The following IL1RAPL2 variants were observed in gnomAD, a reference collection of about 807,000 sequenced individuals.
The protein encoded by IL1RAPL2 is X-linked interleukin-1 receptor accessory protein-like 2.
Under a neutral mutation model 44.1 loss-of-function variants are expected in IL1RAPL2, and 3 were observed. That is an observed-to-expected ratio of 0.07 (90% CI 0.03 to 0.18). IL1RAPL2 has a LOEUF of 0.18. Among genes scored for constraint, IL1RAPL2 ranks in the 10% least tolerant of loss-of-function variants. The pLI is 1.00. For synonymous variants in IL1RAPL2, 181 were observed against 178.8 expected (o/e 1.01, Z -0.10); for missense variants, 391 against 496.4 (o/e 0.79, Z 2.02).
At chrX:105,091,806 C>A (rs758558586) in intron 2 of IL1RAPL2, among the ~76,000 whole-genome samples, 4 of 111,883 alleles carry the variant, frequency 3.6e-5, no homozygotes, top group African/African-American at 1.3e-4. Context: ...CCAACACTTA[C>A]AATGCCTCAC....
intron 2 of IL1RAPL2, among the ~76,000 whole-genome samples, chrX:105,015,824 A>G (rs2031162901): frequency 9.0e-6 from 1 of 111,674 alleles, no homozygotes; most frequent in Admixed American, 9.5e-5. Flanking sequence ...ATGAAATTTA[A>G]AGCAGTTTTT....
At chrX:104,698,386 G>A (rs1931215441) in intron 2 of IL1RAPL2, among the ~76,000 whole-genome samples, 1 of 111,934 alleles carries the variant, frequency 8.9e-6, no homozygotes, top group Non-Finnish European at 1.9e-5. Context: ...GAAACATTGA[G>A]AGCCATTTTA....
At chrX:104,968,979 C>CTGTGTGTGTGTG (rs35842489) in intron 2 of IL1RAPL2, among the ~76,000 whole-genome samples, 1,831 of 82,008 alleles carry the variant, frequency 0.022, 55 homozygotes, top group African/African-American at 0.067. Context: ...TTGCCTTTTG[C>CTGTGTGTGTGTG]TGTGTGTGTG....
In IL1RAPL2 at chrX:104,914,570, TTTA is replaced by T. The variant is rs754942493; in HGVS notation, c.82+255586_82+255588del. Among the ~76,000 whole-genome samples the T allele has an allele frequency of 9.7e-4, 108 of 111,727 alleles. No individual in the cohort carries two copies. The South Asian group carries it at 0.014, about 15-fold the overall frequency. ...ACACATGTTGTGATTGCTTTCTTTT[TTTA>T]TTATTATTATATTTTAAGTTTTAGG... On this transcript the variant is annotated intron_variant, in intron 2 of 10. Coordinates refer to ENST00000372582, the MANE Select transcript of IL1RAPL2 (RefSeq NM_017416.2).
At chrX:105,427,644 C>T (rs1237901346) in intron 5 of IL1RAPL2, among the ~76,000 whole-genome samples, 1 of 111,804 alleles carries the variant, frequency 8.9e-6, no homozygotes, top group Non-Finnish European at 1.9e-5. Flanking sequence ...AATCTGAAAG[C>T]GTATTGATGC....
chrX:105,638,560 G>A (rs2037541705), intron 6 of IL1RAPL2, among the ~76,000 whole-genome samples: 1 of 111,879 alleles, frequency 8.9e-6, no homozygotes, highest in Non-Finnish European at 1.9e-5. Context: ...CTTTAATGGT[G>A]TGGAAGAATC....
At chrX:104,860,460 C>A (rs1247646720) in intron 2 of IL1RAPL2, among the ~76,000 whole-genome samples, 1 of 111,734 alleles carries the variant, frequency 8.9e-6, no homozygotes, top group Non-Finnish European at 1.9e-5. Context: ...TGAATTGGAG[C>A]TATGTGTGAC....
At chrX:105,554,159 T>G (rs1372487653) in intron 6 of IL1RAPL2, among the ~76,000 whole-genome samples, 1 of 112,774 alleles carries the variant, frequency 8.9e-6, no homozygotes, top group Non-Finnish European at 1.9e-5. Context: ...TCAGATGGCC[T>G]ATTTCTAAGG....
chrX:105,760,917 G>T (rs1445928249), intron 10 of IL1RAPL2, among the ~76,000 whole-genome samples: 1 of 111,205 alleles, frequency 9.0e-6, no homozygotes, highest in African/African-American at 3.3e-5. Flanking sequence ...GGTGGCTCAC[G>T]CCTGTAATCC....
intron 4 of IL1RAPL2, among the ~76,000 whole-genome samples, chrX:105,260,312 A>C (rs2034347155): frequency 8.9e-6 from 1 of 112,114 alleles, no homozygotes; most frequent in Non-Finnish European, 1.9e-5. Flanking sequence ...AGGGAGGTTA[A>C]AAATCTCTGT....
At chrX:105,450,185 G>C (rs1436128663) in intron 5 of IL1RAPL2, among the ~76,000 whole-genome samples, 2 of 111,899 alleles carry the variant, frequency 1.8e-5, no homozygotes, top group African/African-American at 6.5e-5. Context: ...TCTTCATGGT[G>C]ACAGGGCAGC....
intron 2 of IL1RAPL2, among the ~76,000 whole-genome samples, chrX:105,064,251 A>G (rs1319494785): frequency 8.9e-6 from 1 of 112,096 alleles, no homozygotes; most frequent in Admixed American, 9.4e-5. Flanking sequence ...CTGGCACTCA[A>G]ACCATGAGAT....
intron 2 of IL1RAPL2, among the ~76,000 whole-genome samples, chrX:104,665,387 C>G (rs1930469026): frequency 9.1e-6 from 1 of 109,962 alleles, no homozygotes; most frequent in African/African-American, 3.3e-5. Flanking sequence ...TTTTTTGGTT[C>G]TTGATTTTTT....
intron 2 of IL1RAPL2, among the ~76,000 whole-genome samples, chrX:104,974,626 G>T (rs1490766062): frequency 8.9e-6 from 1 of 112,229 alleles, no homozygotes; most frequent in Non-Finnish European, 1.9e-5. Context: ...GAAGGAAGCT[G>T]GGGGAACTGC....
intron 5 of IL1RAPL2, among the ~76,000 whole-genome samples, chrX:105,392,572 G>A (rs900530267): frequency 2.7e-5 from 3 of 111,512 alleles, no homozygotes; most frequent in Non-Finnish European, 5.6e-5. Flanking sequence ...TAGAGCTCAG[G>A]AGAAGATGAG....
At chrX:105,630,133 A>G (rs768492076) in intron 6 of IL1RAPL2, among the ~76,000 whole-genome samples, 9 of 111,407 alleles carry the variant, frequency 8.1e-5, no homozygotes, top group Non-Finnish European at 1.3e-4. Flanking sequence ...CTCAAACTCA[A>G]ACCCAAACCC....
rs1430840320 is a variant in IL1RAPL2 at position 105,405,375 on chromosome X, A to G, written c.698-78938A>G. Among the ~76,000 whole-genome samples, 9 of 112,229 alleles carry G rather than the reference A, an allele frequency of 8.0e-5. No homozygotes were observed. The Admixed American group carries it at 8.5e-4, about 11-fold the overall frequency. ...ATACTTGAGACCACTAAAATTAAAAATCTTGCATTAACATCCTATAATTGT... is the reference window on the plus strand; with the variant it reads ...ATACTTGAGACCACTAAAATTAAAAGTCTTGCATTAACATCCTATAATTGT... On this transcript the variant is annotated intron_variant, in intron 5 of 10. Coordinates refer to ENST00000372582, the MANE Select transcript of IL1RAPL2 (RefSeq NM_017416.2).
chrX:105,498,982 G>A (rs1210759693), intron 6 of IL1RAPL2, among the ~76,000 whole-genome samples: 2 of 110,705 alleles, frequency 1.8e-5, no homozygotes, highest in South Asian at 3.9e-4. Flanking sequence ...ACCCTATTAC[G>A]AACTGTGCAT....
intron 2 of IL1RAPL2, among the ~76,000 whole-genome samples, chrX:104,989,875 A>G (rs1402267128): frequency 8.9e-6 from 1 of 111,853 alleles, no homozygotes; most frequent in Non-Finnish European, 1.9e-5. Context: ...ACACATATGC[A>G]TGTAAAAAAT....
Sources: allele counts gnomAD v4.1 joint callset (sites outside exome capture counted in the v4.1 genomes callset), GRCh38; gene constraint gnomAD v4.1.1; transcripts MANE v1.5; gene names NCBI Gene and HGNC (gene_info 2026-07-23, HGNC 2026-07-21).